SCN11A: variants seen among roughly 807,000 people sequenced by gnomAD.
The protein encoded by SCN11A is sodium voltage-gated channel alpha subunit 11.
Under a neutral mutation model 162.2 loss-of-function variants are expected in SCN11A, and 122 were observed. The ratio of observed to expected loss-of-function variants is 0.75; its 90% CI spans 0.65 to 0.87. The LOEUF is 0.87. Among genes scored for constraint, SCN11A ranks in the 40% least tolerant of loss-of-function variants. SCN11A has a pLI of 0.00. For missense variants in SCN11A, 2,015 were observed against 2,181.6 expected, an observed-to-expected ratio of 0.92 and a Z score of 1.52; for synonymous variants, 758 against 751.5, an observed-to-expected ratio of 1.01 and a Z score of -0.14.
intron 9 of SCN11A, among the ~76,000 whole-genome samples, chr3:38,923,044 T>C (rs2066079626): frequency 6.6e-6 from 1 of 152,134 alleles, no homozygotes; most frequent in Admixed American, 6.5e-5. Flanking sequence ...AAGGGTGTGC[T>C]ATAATAACCT....
In SCN11A at chr3:38,846,916, C is replaced by G. The variant is rs267599809; in HGVS notation, c.5154G>C (p.Lys1718Asn). ...TGGTGACTATGGGTTCATACAACTTCTTGAGAGGATTGGCTTCCATGAACT... is the reference window on the plus strand; with the variant it reads ...TGGTGACTATGGGTTCATACAACTTGTTGAGAGGATTGGCTTCCATGAACT... ...EEKFMEANPL[K>N]KLYEPIVTTT... Residue 1718 changes from lysine (K) to asparagine (N), a missense_variant, in exon 30 of 30, where the codon AAG becomes AAC. Transcript: ENST00000302328. 1 of 1,614,112 alleles carries G rather than the reference C, an allele frequency of 6.2e-7. No individual in the cohort carries two copies. Among genetic ancestry groups the G allele is most frequent in the East Asian group, 2.2e-5 (1 of 44,878 alleles).
Position 38,909,022 on chromosome 3 carries a change from T to C in SCN11A, c.1274A>G (p.Gln425Arg). The C allele has an allele frequency of 6.2e-7, 1 of 1,613,710 alleles. No individual in the cohort carries two copies. The highest frequency in any genetic ancestry group is 8.5e-7 in the Non-Finnish European group (1 of 1,179,880). Residue 425 changes from glutamine (Q) to arginine (R), a missense_variant, in exon 13 of 30, where the codon CAG (glutamine) becomes CGG (arginine). By Grantham distance (43) the Gln-to-Arg change is conservative. Coordinates refer to ENST00000302328, the MANE Select transcript of SCN11A (RefSeq NM_001349253.2). ...CTCCTTTTCCTCCTTTAACAGCTGC[T>C]GGGCTTCCTGAAACATCTTTTCCTT... ...EAKEKMFQEA[Q>R]QLLKEEKEAL...
chr3:38,959,188 A>G (rs2066716463), intron 3 of SCN11A, among the ~76,000 whole-genome samples: 1 of 152,224 alleles, frequency 6.6e-6, no homozygotes, highest in South Asian at 2.1e-4. Context: ...AATGCTTTAA[A>G]TGGATTATCT....
At position 38,990,397 on chromosome 3, in the gene SCN11A, G is replaced by T. The variant is rs534522134; in HGVS notation, c.-279-29974C>A. 9.2e-5 allele frequency among the ~76,000 whole-genome samples: 14 copies of T among 152,288 alleles called. No individual in the cohort carries two copies. The East Asian group carries it at 1.7e-3, about 19-fold the overall frequency. ...ACAATGCCTCTATGTGGGCACAAAG[G>T]AGTGAAAGGCATGGCGCCTGCCCTC... On this transcript the variant is annotated intron_variant, in intron 2 of 29. Transcript: ENST00000302328.
intron 7 of SCN11A, among the ~76,000 whole-genome samples, chr3:38,939,545 A>G (rs2066408197): frequency 6.6e-6 from 1 of 152,226 alleles, no homozygotes; most frequent in African/African-American, 2.4e-5. Context: ...ATTTGCAGAT[A>G]TAAATCACTT....
At chr3:38,864,670 C>T (rs926404607) in intron 27 of SCN11A, among the ~76,000 whole-genome samples, 1 of 152,110 alleles carries the variant, frequency 6.6e-6, no homozygotes, top group African/African-American at 2.4e-5. Context: ...AATGAGCATT[C>T]TAGACTGTGG....
In SCN11A at chr3:39,051,880, C is replaced by T. The variant is rs147805554; in HGVS notation, c.-423G>A. 357 of 931,072 alleles carry T rather than the reference C, an allele frequency of 3.8e-4. 5 individuals are homozygous for T. The East Asian group carries it at 8.8e-3, about 23-fold the overall frequency. The allele number at this position is 931,072 out of a possible 1,614,324, so 57.7% of individuals were successfully genotyped here. A position where few individuals can be genotyped will look rare whatever the true frequency, so the allele number is the denominator to read the frequency against. ...ATCTACCTCATCACATGGCTACCGG[C>T]CACACAGCAACTAACAGCACCGAGG... On this transcript the variant is annotated 5_prime_UTR_variant, in exon 1 of 30. Transcript: ENST00000302328.
chr3:38,969,531 C>T (rs2066803955), intron 2 of SCN11A, among the ~76,000 whole-genome samples: 2 of 152,168 alleles, frequency 1.3e-5, no homozygotes, highest in African/African-American at 4.8e-5. Context: ...CATGCCTGAC[C>T]TGGCTGTGAA....
intron 17 of SCN11A, 29 bp from the exon 18 acceptor site, chr3:38,897,254 G>T: frequency 6.4e-7 from 1 of 1,560,782 alleles, no homozygotes; most frequent in Non-Finnish European, 8.6e-7. Flanking sequence ...AACAAAAATG[G>T]AAGAAAAGCC....
At chr3:39,008,908 T>C (rs115678093) in intron 2 of SCN11A, among the ~76,000 whole-genome samples, 4,322 of 151,848 alleles carry the variant, frequency 0.028, 206 homozygotes, top group African/African-American at 0.099. Context: ...AGTATGTATA[T>C]ATATTTGGAC....
intron 9 of SCN11A, among the ~76,000 whole-genome samples, chr3:38,921,888 T>C (rs1049906136): frequency 6.6e-6 from 1 of 152,208 alleles, no homozygotes; most frequent in African/African-American, 2.4e-5. Context: ...ATAAATAATC[T>C]TGTGGCATGC....
chr3:38,875,857 CA>C (rs2065198470), intron 23 of SCN11A, among the ~76,000 whole-genome samples: 1 of 151,866 alleles, frequency 6.6e-6, no homozygotes, highest in Non-Finnish European at 1.5e-5. Context: ...CTAGAAAAAA[CA>C]ATCTTAAAAT....
intron 7 of SCN11A, among the ~76,000 whole-genome samples, chr3:38,938,558 T>A (rs1462708159): frequency 8.4e-4 from 44 of 52,538 alleles, no homozygotes; most frequent in Admixed American, 1.2e-3. Context: ...ATATTTTTTT[T>A]TTTTTTTTTT....
rs568087794 is a variant in SCN11A at position 38,993,448 on chromosome 3, C to T, written c.-279-33025G>A. On this transcript the variant is annotated intron_variant, in intron 2 of 29. Coordinates refer to ENST00000302328, the MANE Select transcript of SCN11A (RefSeq NM_001349253.2). ...GAGTTATGCTAGCCTTGGCTCCCTT[C>T]TCCTCCTCTAAAACTTCTAGTTTCC... is the stretch of plus-strand genomic sequence containing the variant. Among the ~76,000 whole-genome samples, 6 of 152,332 alleles carry T rather than the reference C, an allele frequency of 3.9e-5. No individual in the cohort carries two copies. The South Asian group carries it at 1.2e-3, about 32-fold the overall frequency.
At chr3:38,922,153 C>T (rs1038668155) in intron 9 of SCN11A, among the ~76,000 whole-genome samples, 6 of 152,190 alleles carry the variant, frequency 3.9e-5, no homozygotes, top group African/African-American at 1.4e-4. Context: ...CATGGAATGA[C>T]ACTAAGTGAC....
chr3:39,016,747 C>T (rs2031299260), intron 2 of SCN11A, among the ~76,000 whole-genome samples: 1 of 152,006 alleles, frequency 6.6e-6, no homozygotes, highest in African/African-American at 2.4e-5. Flanking sequence ...GGATTACAGG[C>T]ACACACCAAC....
rs33985936 is a variant in SCN11A, at chr3:38,894,643, C to T, written c.2725G>A (p.Val909Ile). The stretch of plus-strand genomic sequence containing the variant: ...GCCAACCAAGTCCAATCATGCCTGA[C>T]GCCCAGGGTCTTTGGTACAGAGGTT... ...ILTSVPKTLG[V>I]RHDWTWLAPL... Residue 909 changes from valine (V) to isoleucine (I), a missense_variant, in exon 19 of 30, where the codon GTC (valine) becomes ATC (isoleucine). Coordinates refer to ENST00000302328, the MANE Select transcript of SCN11A (RefSeq NM_001349253.2). 0.23 allele frequency: 376,348 copies of T among 1,613,770 alleles called. 45,755 individuals are homozygous for T. Among genetic ancestry groups the T allele is most frequent in the Admixed American group, 0.26 (15,790 of 59,988 alleles).
intron 19 of SCN11A, 58 bp from the exon 20 acceptor site, chr3:38,886,296 G>C: frequency 8.6e-7 from 1 of 1,161,900 alleles, no homozygotes; most frequent in Non-Finnish European, 1.3e-6. Context: ...CACTTAAGAT[G>C]AAAGAAGTTT....
intron 2 of SCN11A, among the ~76,000 whole-genome samples, chr3:38,992,100 T>C (rs1057427715): frequency 2.6e-5 from 4 of 152,228 alleles, no homozygotes; most frequent in Non-Finnish European, 5.9e-5. Flanking sequence ...TGAGCCACCA[T>C]GCCTGGCCAG....
Sources: gnomAD v4.1 joint callset for allele counts (sites outside exome capture counted in the v4.1 genomes callset) on GRCh38, gnomAD v4.1.1 for gene constraint, MANE v1.5 for transcripts, NCBI Gene and HGNC (gene_info 2026-07-23, HGNC 2026-07-21) for gene names.